Variants in GABRA1 observed in about 807,000 individuals in gnomAD.
GABRA1 encodes the protein gamma-aminobutyric acid type A receptor subunit alpha1, also known as gamma-aminobutyric acid receptor subunit alpha-1.
In GABRA1, 9 loss-of-function variants were observed where a neutral mutation model predicts 48.9. That is an observed-to-expected ratio of 0.18 (90% CI 0.11 to 0.32). GABRA1 has a LOEUF of 0.32. GABRA1 is among the 10% of genes least tolerant of loss of function. GABRA1 has a pLI of 1.00. For synonymous variants in GABRA1, 210 were observed against 198.7 expected (o/e 1.06, Z -0.48); for missense variants, 285 against 553.8 (o/e 0.51, Z 4.87).
Position 161,898,368 on chromosome 5 carries a change from C to A in GABRA1, c.*946C>A, listed in dbSNP as rs139554086. 2.6e-5 allele frequency: 4 copies of A among 152,468 alleles called. No homozygotes were observed. Among genetic ancestry groups the A allele is most frequent in the Non-Finnish European group, 4.4e-5 (3 of 67,964 alleles). 9.4% of individuals were successfully genotyped at this position (152,468 alleles called of 1,614,324 possible). ...TTCTTTTATATAACTACATTAAAAG[C>A]TTTAGATTGAAATTTATGACTAGCA... On this transcript the variant is annotated 3_prime_UTR_variant, in exon 10 of 10. Coordinates refer to ENST00000393943, the MANE Select transcript of GABRA1 (RefSeq NM_001127644.2).
chr5:161,891,500 A>G lies in GABRA1; in HGVS notation c.856+450A>G, dbSNP rs557485283. ...AGAGCCAATTAATGACCACCATATC[A>G]CTACAGGAATAAGTCACTTTACCTG... On this transcript the variant is annotated intron_variant, in intron 8 of 9. Coordinates refer to ENST00000393943, the MANE Select transcript of GABRA1 (RefSeq NM_001127644.2). 5.3e-5 allele frequency among the ~76,000 whole-genome samples: 8 copies of G among 152,296 alleles called. No homozygotes were observed. The East Asian group carries it at 1.4e-3, about 26-fold the overall frequency.
In GABRA1 at chr5:161,899,732, C is replaced by T. The variant is rs1452711429; in HGVS notation, c.*2310C>T. On this transcript the variant is annotated 3_prime_UTR_variant, in exon 10 of 10. Transcript: ENST00000393943. ...TCTTCCTTGAAAATAAAGATACACT[C>T]TTATAGGGGACAGTTCCTGTTCACT... 6.6e-6 allele frequency: 1 copy of T among 152,136 alleles called. No homozygotes were observed. The highest frequency in any genetic ancestry group is 1.5e-5 in the Non-Finnish European group (1 of 68,008). 9.4% of individuals were successfully genotyped at this position (152,136 alleles called of 1,614,324 possible). A position where few individuals can be genotyped will look rare whatever the true frequency, so the allele number is the denominator to read the frequency against.
chr5:161,850,589 A>G (rs1053387093), intron 1 of GABRA1: 1 of 604,846 alleles, frequency 1.7e-6, no homozygotes, highest in South Asian at 2.0e-5. Flanking sequence ...GAGAATAAGG[A>G]CACTGATATA....
chr5:161,870,440 A>G (rs1193473686), intron 4 of GABRA1, among the ~76,000 whole-genome samples: 3 of 151,792 alleles, frequency 2.0e-5, no homozygotes, highest in Non-Finnish European at 4.4e-5. Flanking sequence ...GCATGCCTGT[A>G]AATCCCAGCT....
intron 6 of GABRA1, 37 bp downstream of exon 6, chr5:161,875,679 T>A (rs1427475323): frequency 1.4e-6 from 2 of 1,438,382 alleles, no homozygotes; most frequent in Non-Finnish European, 2.0e-6. Flanking sequence ...TGATTGTAAG[T>A]CATTAAGCAA....
At position 161,898,218 on chromosome 5, in the gene GABRA1, A is replaced by T. The variant is rs1051509934; in HGVS notation, c.*796A>T. On this transcript the variant is annotated 3_prime_UTR_variant, in exon 10 of 10. Transcript: ENST00000393943. ...CATAGAAACTAAACTAAAATAGTTT[A>T]AAAATATTCCCTTTTTCACCCTATT... 2.0e-5 allele frequency: 3 copies of T among 152,638 alleles called. No individual in the cohort carries two copies. The highest frequency in any genetic ancestry group is 7.2e-5 in the African/African-American group (3 of 41,464). The allele number at this position is 152,638 out of a possible 1,614,324, so 9.5% of individuals were successfully genotyped here.
intron 6 of GABRA1, among the ~76,000 whole-genome samples, chr5:161,877,984 A>G (rs780711913): frequency 7.9e-5 from 12 of 152,182 alleles, no homozygotes; most frequent in Non-Finnish European, 1.2e-4. Flanking sequence ...ATGCACATTT[A>G]TTTTATACCA....
chr5:161,850,911 A>T (rs776296714), intron 2 of GABRA1, 27 bp downstream of exon 2: 4 of 1,586,164 alleles, frequency 2.5e-6, no homozygotes, highest in African/African-American at 1.3e-5. Flanking sequence ...AAAAATCTGC[A>T]TGAAAATTTC....
chr5:161,889,044 C>A (rs1312889126), intron 7 of GABRA1, among the ~76,000 whole-genome samples: 1 of 151,764 alleles, frequency 6.6e-6, no homozygotes, highest in Non-Finnish European at 1.5e-5. Context: ...AACTAAAATG[C>A]AAAGTATGAT....
At chr5:161,884,188 G>A (rs1248929801) in intron 7 of GABRA1, among the ~76,000 whole-genome samples, 2 of 152,126 alleles carry the variant, frequency 1.3e-5, no homozygotes, top group Non-Finnish European at 2.9e-5. Context: ...CCCAGAACAT[G>A]AAAAATGCTC....
chr5:161,870,864 A>G (rs1419185222), intron 4 of GABRA1, among the ~76,000 whole-genome samples: 1 of 152,064 alleles, frequency 6.6e-6, no homozygotes, highest in African/African-American at 2.4e-5. Context: ...ACTAATTTTC[A>G]TCAACTGCTT....
chr5:161,874,396 TTTCTAGATTATCTAAGCAGGACCTA>T (rs1754256177), intron 5 of GABRA1, among the ~76,000 whole-genome samples: 1 of 152,114 alleles, frequency 6.6e-6, no homozygotes, highest in Non-Finnish European at 1.5e-5. Flanking sequence ...TGTTGAGAAC[TTTCTAGATTATCTAAGCAGGACCTA>T]TTCGTAATTG....
Position 161,848,149 on chromosome 5 carries a change from T to C in GABRA1, c.-289T>C, listed in dbSNP as rs1757279323. 1 of 152,172 alleles carries C rather than the reference T, an allele frequency of 6.6e-6. No individual in the cohort carries two copies. The highest frequency in any genetic ancestry group is 2.4e-5 in the African/African-American group (1 of 41,428). 9.4% of individuals were successfully genotyped at this position (152,172 alleles called of 1,614,324 possible). On this transcript the variant is annotated 5_prime_UTR_variant, in exon 1 of 10. Transcript: ENST00000393943. Reference sequence around the variant, plus strand: ...TTCACATCCGGTTTGCCCTGGGACGTATTACTACTGTCTTGGTAAAGAGAA... The same window carrying C: ...TTCACATCCGGTTTGCCCTGGGACGCATTACTACTGTCTTGGTAAAGAGAA...
chr5:161,861,477 T>C (rs940101996), intron 3 of GABRA1, among the ~76,000 whole-genome samples: 3 of 151,856 alleles, frequency 2.0e-5, no homozygotes, highest in African/African-American at 7.2e-5. Context: ...TGCAATAATA[T>C]CGACCTTTCT....
chr5:161,856,193 G>C (rs1757638016), intron 3 of GABRA1, among the ~76,000 whole-genome samples: 1 of 151,318 alleles, frequency 6.6e-6, no homozygotes, highest in East Asian at 1.9e-4. Context: ...ATAAAGATTA[G>C]ACTGAGAGTA....
At chr5:161,853,139 T>A (rs1757516317) in intron 2 of GABRA1, among the ~76,000 whole-genome samples, 1 of 151,882 alleles carries the variant, frequency 6.6e-6, no homozygotes, top group East Asian at 1.9e-4. Context: ...TAGAAAACAA[T>A]TCTCTCAAAG....
chr5:161,859,751 A>C (rs1757781084), intron 3 of GABRA1, among the ~76,000 whole-genome samples: 2 of 151,874 alleles, frequency 1.3e-5, no homozygotes, highest in South Asian at 4.1e-4. Context: ...TAAGAAAACA[A>C]AATTTCAAAA....
At position 161,873,374 on chromosome 5, in the gene GABRA1, G is replaced by A. The variant is rs757518974; in HGVS notation, c.476+37G>A. 17 of 1,493,982 alleles carry A rather than the reference G, an allele frequency of 1.1e-5. No individual in the cohort carries two copies. In the East Asian group the frequency reaches 3.4e-4, roughly 30 times the overall value. 92.5% of individuals were successfully genotyped at this position (1,493,982 alleles called of 1,614,324 possible). A position where few individuals can be genotyped will look rare whatever the true frequency, so the allele number is the denominator to read the frequency against. ...TGCACTGCCATTCATGAATGTTTCT[G>A]TACTTCATTCCCTTCCACTTGTAGG... is the stretch of plus-strand genomic sequence containing the variant. On this transcript the variant is annotated intron_variant, in intron 5 of 9. Transcript: ENST00000393943.
intron 7 of GABRA1, among the ~76,000 whole-genome samples, chr5:161,883,143 C>G (rs1268324597): frequency 6.6e-6 from 1 of 152,122 alleles, no homozygotes; most frequent in African/African-American, 2.4e-5. Flanking sequence ...GTCTAGGCTC[C>G]ACATATTACC....
Sources: allele counts gnomAD v4.1 joint callset (sites outside exome capture counted in the v4.1 genomes callset), GRCh38; gene constraint gnomAD v4.1.1; transcripts MANE v1.5; gene names NCBI Gene and HGNC (gene_info 2026-07-23, HGNC 2026-07-21).